The following PEPD variants were observed in gnomAD, a reference collection of about 807,000 sequenced individuals.
The protein encoded by PEPD is xaa-Pro dipeptidase.
A neutral mutation model predicts 60.7 loss-of-function variants in PEPD; 53 were observed. The observed-to-expected ratio is 0.87, with a 90% confidence interval of 0.70 to 1.10. The LOEUF is 1.10. PEPD is among the 50% of genes least tolerant of loss of function. PEPD has a pLI of 0.00. For synonymous variants in PEPD, 267 were observed against 284.1 expected, an observed-to-expected ratio of 0.94 and a Z score of 0.60; for missense variants, 711 against 711.9, an observed-to-expected ratio of 1.00 and a Z score of 0.01.
intron 3 of PEPD, among the ~76,000 whole-genome samples, chr19:33,507,959 G>A (rs986075942): frequency 6.6e-6 from 1 of 152,070 alleles, no homozygotes; most frequent in South Asian, 2.1e-4. Flanking sequence ...GGGGCCAGAT[G>A]CCCCCTCGGG....
chr19:33,491,374 C>T (rs1162410407), intron 5 of PEPD, among the ~76,000 whole-genome samples: 1 of 152,086 alleles, frequency 6.6e-6, no homozygotes, highest in Non-Finnish European at 1.5e-5. Context: ...TGCTTGAACC[C>T]GGGAGGTGGA....
intron 9 of PEPD, among the ~76,000 whole-genome samples, chr19:33,427,245 G>A (rs1456324685): frequency 1.3e-5 from 2 of 149,790 alleles, no homozygotes; most frequent in African/African-American, 2.5e-5. Flanking sequence ...CTGGGGAGGC[G>A]GAGGCTGTCG....
At chr19:33,473,275 T>C (rs11880064) in intron 7 of PEPD, among the ~76,000 whole-genome samples, 63,718 of 151,924 alleles carry the variant, frequency 0.42, 14,172 homozygotes, top group African/African-American at 0.57. Context: ...AGATGAGCAA[T>C]GCTACTGGAA....
At chr19:33,487,973 G>C (rs764325245) in intron 6 of PEPD, among the ~76,000 whole-genome samples, 1 of 151,982 alleles carries the variant, frequency 6.6e-6, no homozygotes, top group Non-Finnish European at 1.5e-5. Context: ...TGCCTTCCTC[G>C]GGGAACCTCA....
At chr19:33,403,454 A>G (rs961961495) in intron 11 of PEPD, among the ~76,000 whole-genome samples, 9 of 152,212 alleles carry the variant, frequency 5.9e-5, no homozygotes, top group African/African-American at 1.9e-4. Flanking sequence ...GGCCAGGGGC[A>G]CAGCCGCGGC....
chr19:33,423,465 C>T (rs776704753), intron 9 of PEPD, among the ~76,000 whole-genome samples: 1 of 152,166 alleles, frequency 6.6e-6, no homozygotes, highest in African/African-American at 2.4e-5. Context: ...CAAAAAGGAC[C>T]CCTGAACACT....
rs755133215 is a variant in PEPD, at chr19:33,512,775, G to T, written c.19C>A (p.Pro7Thr). 1.2e-6 allele frequency: 2 copies of T among 1,614,002 alleles called. No homozygotes were observed. Among genetic ancestry groups the T allele is most frequent in the Middle Eastern group, 1.6e-4 (1 of 6,062 alleles). ...GTTTCATTCCCCAGCCAAAACGAGG[G>T]TCTGCAGAGGCAAGAGCACACACCG... is the stretch of plus-strand genomic sequence containing the variant. MAAATG[P>T]SFWLGNETLK... Residue 7 changes from proline (P) to threonine (T), a missense_variant and splice_region_variant, in exon 2 of 15, where the codon CCC becomes ACC. Physicochemically the swap from Pro to Thr is conservative, Grantham distance 38. Transcript: ENST00000244137.
intron 7 of PEPD, 117 bp from the exon 8 acceptor site, chr19:33,464,179 G>A: frequency 1.3e-6 from 1 of 763,006 alleles, no homozygotes; most frequent in Non-Finnish European, 2.3e-6. Context: ...GGCGTGTTGT[G>A]CAAGGCCAGA....
At chr19:33,431,647 C>T (rs1969276746) in intron 9 of PEPD, among the ~76,000 whole-genome samples, 1 of 152,126 alleles carries the variant, frequency 6.6e-6, no homozygotes, top group African/African-American at 2.4e-5. Context: ...AGATGGGTAG[C>T]AAATGCTAGT....
At chr19:33,399,308 G>A (rs1185407360) in intron 12 of PEPD, among the ~76,000 whole-genome samples, 3 of 152,184 alleles carry the variant, frequency 2.0e-5, no homozygotes, top group Non-Finnish European at 2.9e-5. Context: ...AAGCAATTCC[G>A]CAGAAAATGC....
chr19:33,508,465 A>C (rs1401059505), intron 3 of PEPD, among the ~76,000 whole-genome samples: 1 of 152,254 alleles, frequency 6.6e-6, no homozygotes, highest in African/African-American at 2.4e-5. Context: ...AGTGGAGTGC[A>C]AAACCACCAA....
At chr19:33,448,355 G>T (rs1345086890) in intron 9 of PEPD, among the ~76,000 whole-genome samples, 1 of 152,090 alleles carries the variant, frequency 6.6e-6, no homozygotes, top group African/African-American at 2.4e-5. Flanking sequence ...CCACCTCCGA[G>T]GTGGGCGTCT....
At chr19:33,460,684 G>A (rs1288312946) in intron 9 of PEPD, among the ~76,000 whole-genome samples, 1 of 152,174 alleles carries the variant, frequency 6.6e-6, no homozygotes, top group African/African-American at 2.4e-5. Context: ...GCCTGCAGCA[G>A]GTGGGTGCAC....
intron 9 of PEPD, among the ~76,000 whole-genome samples, chr19:33,422,707 T>C (rs1421402723): frequency 6.6e-6 from 1 of 151,480 alleles, no homozygotes; most frequent in East Asian, 2.0e-4. Flanking sequence ...CTACCATCCA[T>C]CTACCCATCT....
intron 12 of PEPD, among the ~76,000 whole-genome samples, chr19:33,399,971 C>T (rs973355302): frequency 4.6e-5 from 7 of 151,962 alleles, no homozygotes; most frequent in East Asian, 1.9e-4. Context: ...GGCCAGCAGG[C>T]GGCAGAGCTG....
At chr19:33,435,770 A>G (rs1969364176) in intron 9 of PEPD, among the ~76,000 whole-genome samples, 3 of 152,236 alleles carry the variant, frequency 2.0e-5, no homozygotes, top group Non-Finnish European at 1.5e-5. Flanking sequence ...GGCCATGGGC[A>G]GAGGCCGTGC....
chr19:33,410,606 C>T (rs1455834941), intron 11 of PEPD, among the ~76,000 whole-genome samples: 1 of 152,192 alleles, frequency 6.6e-6, no homozygotes, highest in Non-Finnish European at 1.5e-5. Flanking sequence ...TGGGGTGGCT[C>T]CTCGATGGGA....
intron 7 of PEPD, among the ~76,000 whole-genome samples, chr19:33,467,073 T>C (rs8107273): frequency 0.42 from 63,035 of 150,064 alleles, 13,946 homozygotes; most frequent in African/African-American, 0.57. Context: ...AGGAGAATGG[T>C]GTGAACCCAG....
At chr19:33,396,499 T>C (rs7250869) in intron 12 of PEPD, among the ~76,000 whole-genome samples, 104,977 of 152,098 alleles carry the variant, frequency 0.69, 36,884 homozygotes, top group African/African-American at 0.8. Flanking sequence ...GACCTCACAT[T>C]GGCAGCACCC....
Sources: gnomAD v4.1 joint callset for allele counts (sites outside exome capture counted in the v4.1 genomes callset) on GRCh38, gnomAD v4.1.1 for gene constraint, MANE v1.5 for transcripts, NCBI Gene and HGNC (gene_info 2026-07-23, HGNC 2026-07-21) for gene names.